Variants in PRKAG2 observed in about 807,000 individuals in gnomAD.
PRKAG2 encodes the protein protein kinase AMP-activated non-catalytic subunit gamma 2.
A neutral mutation model predicts 69.6 loss-of-function variants in PRKAG2; 26 were observed. The ratio of observed to expected loss-of-function variants is 0.37; its 90% CI spans 0.27 to 0.52. The LOEUF (loss-of-function observed/expected upper bound fraction) is 0.52. Among genes scored for constraint, PRKAG2 ranks in the 20% least tolerant of loss-of-function variants. PRKAG2 has a pLI of 0.90. For missense variants in PRKAG2, 557 were observed against 740.0 expected, an observed-to-expected ratio of 0.75 and a Z score of 2.87; for synonymous variants, 293 against 285.0, an observed-to-expected ratio of 1.03 and a Z score of -0.28.
intron 3 of PRKAG2, among the ~76,000 whole-genome samples, chr7:151,723,077 TG>T (rs1797373731): frequency 6.6e-6 from 1 of 152,158 alleles, no homozygotes; most frequent in African/African-American, 2.4e-5. Context: ...TCTCTTTCTG[TG>T]TCCACAGCCC....
intron 10 of PRKAG2, among the ~76,000 whole-genome samples, chr7:151,569,517 T>C (rs1807064640): frequency 6.6e-6 from 1 of 152,202 alleles, no homozygotes; most frequent in Non-Finnish European, 1.5e-5. Context: ...GGCTAGGAGA[T>C]ATTGCAGGGC....
Position 151,559,949 on chromosome 7 carries a change from G to A in PRKAG2, c.1678+575C>T, listed in dbSNP as rs79404509. 757 of 985,362 alleles carry A rather than the reference G, an allele frequency of 7.7e-4. 1 individual carries two copies. In the African/African-American group the frequency reaches 0.012, roughly 16 times the overall value. The allele number at this position is 985,362 out of a possible 1,614,324, so 61.0% of individuals were successfully genotyped here. A position where few individuals can be genotyped will look rare whatever the true frequency, so the allele number is the denominator to read the frequency against. The stretch of plus-strand genomic sequence containing the variant: ...GGAAGGCCAGCTCCTCTTGTCTAAA[G>A]CCCTCTCCCGTTCTCTCTGCTCCTC... On this transcript the variant is annotated intron_variant, in intron 15 of 15. Transcript: ENST00000287878.
At position 151,820,216 on chromosome 7, in the gene PRKAG2, T is replaced by C. The variant is rs1423922397; in HGVS notation, c.115-33675A>G. On this transcript the variant is annotated intron_variant, in intron 1 of 15. Coordinates refer to ENST00000287878, the MANE Select transcript of PRKAG2 (RefSeq NM_016203.4). ...GCTGGAACCTTTTTCTAAAAAATGG[T>C]GCATGCCAAAAGGAGCTGATGGGCT... Among the ~76,000 whole-genome samples the C allele has an allele frequency of 3.3e-5, 5 of 152,254 alleles. No individual in the cohort carries two copies. The East Asian group carries it at 9.6e-4, about 29-fold the overall frequency.
rs1819635530 is a variant in PRKAG2 at position 151,614,587 on chromosome 7, C to T, written c.754+17482G>A. Reference sequence around the variant, plus strand: ...CCTCCGCCCCTCACCAGCTTGCTTCCCGCTCTCTCTCCCCATCTCCACTTG... The same window carrying T: ...CCTCCGCCCCTCACCAGCTTGCTTCTCGCTCTCTCTCCCCATCTCCACTTG... On this transcript the variant is annotated intron_variant, in intron 5 of 15. Coordinates refer to ENST00000287878, the MANE Select transcript of PRKAG2 (RefSeq NM_016203.4). The surrounding 1 kb of genome is among the most constrained non-coding windows in gnomAD (Gnocchi z 4.4). Among the ~76,000 whole-genome samples the T allele has an allele frequency of 6.6e-6, 1 of 152,084 alleles. No individual in the cohort carries two copies. The highest frequency in any genetic ancestry group is 2.4e-5 in the African/African-American group (1 of 41,418).
intron 15 of PRKAG2, chr7:151,558,185 CTT>C: frequency 1.0e-6 from 1 of 985,426 alleles, no homozygotes; most frequent in Middle Eastern, 5.2e-4. Context: ...TTGCTAAAAA[CTT>C]TTTTGAGAAA....
At chr7:151,802,382 C>G (rs527884583) in intron 1 of PRKAG2, among the ~76,000 whole-genome samples, 93 of 152,274 alleles carry the variant, frequency 6.1e-4, no homozygotes, top group African/African-American at 2.1e-3. Flanking sequence ...TGAGTGGACT[C>G]TGACCTTCCA....
chr7:151,669,837 C>T, intron 4 of PRKAG2, among the ~76,000 whole-genome samples: 1 of 68,654 alleles, frequency 1.5e-5, no homozygotes, highest in Admixed American at 1.6e-4. Context: ...CCTGCAGGCA[C>T]ACACCTGTGC....
intron 1 of PRKAG2, among the ~76,000 whole-genome samples, chr7:151,803,336 A>G (rs541341363): frequency 1.3e-5 from 2 of 152,152 alleles, no homozygotes; most frequent in African/African-American, 2.4e-5. Context: ...AACACTTTGT[A>G]TAGGAATTTA....
At chr7:151,587,476 A>G (rs56935576) in intron 6 of PRKAG2, among the ~76,000 whole-genome samples, 22,032 of 151,988 alleles carry the variant, frequency 0.14, 1,704 homozygotes, top group East Asian at 0.27. Flanking sequence ...GAAAGGAGGA[A>G]GAAGAATCAT....
chr7:151,649,389 G>T (rs1394318409), intron 4 of PRKAG2, among the ~76,000 whole-genome samples: 1 of 152,196 alleles, frequency 6.6e-6, no homozygotes, highest in Non-Finnish European at 1.5e-5. Flanking sequence ...GCCTCCCAAA[G>T]TGCTGGGATT....
At position 151,560,558 on chromosome 7, in the gene PRKAG2, C is replaced by A; in HGVS notation, c.1644G>T (p.Ser548=). Residue 548 remains serine (S), a synonymous_variant, in exon 15 of 16, where the codon TCG becomes TCT. Transcript: ENST00000287878. ...TGAGGATCAGGGCTTGCAGAATGTC[C>A]GACAGGGAAATAATACCCACAATAC... ...ADSIVGIISL[S]DILQALILTP... is the part of the protein sequence containing the mutation. 6.2e-7 allele frequency: 1 copy of A among 1,613,960 alleles called. No individual in the cohort carries two copies. The highest frequency in any genetic ancestry group is 8.5e-7 in the Non-Finnish European group (1 of 1,179,906).
In PRKAG2 at chr7:151,838,031, C is replaced by G. The variant is rs577208583; in HGVS notation, c.114+38476G>C. ...TGGGCCTCGGGAACGCGCACAGGAC[C>G]CCGGAGGAGGCCACACCTGGGCCTC... On this transcript the variant is annotated intron_variant, in intron 1 of 15. Coordinates refer to ENST00000287878, the MANE Select transcript of PRKAG2 (RefSeq NM_016203.4). Among the ~76,000 whole-genome samples, 29 of 151,838 alleles carry G rather than the reference C, an allele frequency of 1.9e-4. No individual in the cohort carries two copies. The South Asian group carries it at 6.1e-3, about 32-fold the overall frequency.
chr7:151,708,064 C>T (rs1186666269), intron 3 of PRKAG2, among the ~76,000 whole-genome samples: 1 of 152,146 alleles, frequency 6.6e-6, no homozygotes, highest in African/African-American at 2.4e-5. Context: ...ACAAGGGGGG[C>T]GCTGTCCCCG....
intron 1 of PRKAG2, among the ~76,000 whole-genome samples, chr7:151,794,699 C>CT (rs1231074451): frequency 1.3e-5 from 2 of 152,236 alleles, no homozygotes; most frequent in Non-Finnish European, 2.9e-5. Flanking sequence ...ACTGGCTGTC[C>CT]CCCTTATAAT....
chr7:151,769,540 A>C (rs893034095), intron 3 of PRKAG2, among the ~76,000 whole-genome samples: 1 of 152,220 alleles, frequency 6.6e-6, no homozygotes, highest in African/African-American at 2.4e-5. Flanking sequence ...GCCAGAAGCT[A>C]GGAGGGAGGC....
chr7:151,667,813 A>G (rs1045759322), intron 4 of PRKAG2, among the ~76,000 whole-genome samples: 2 of 152,234 alleles, frequency 1.3e-5, no homozygotes, highest in Non-Finnish European at 2.9e-5. Flanking sequence ...CCAGTCCCCA[A>G]GTAACCTGGT....
rs184087134 is a variant in PRKAG2 at position 151,785,524 on chromosome 7, G to A, written c.186+946C>T. On this transcript the variant is annotated intron_variant, in intron 2 of 15. Transcript: ENST00000287878. ...TGGCACCAGTGGAGCCCCACAGGCC[G>A]ACACCAATTTGATTCAGTTGTGTGT... Among the ~76,000 whole-genome samples the A allele has an allele frequency of 1.5e-3, 224 of 152,356 alleles. 1 individual carries two copies. Among genetic ancestry groups the A allele is most frequent in the African/African-American group, 5.1e-3 (211 of 41,580 alleles).
intron 1 of PRKAG2, among the ~76,000 whole-genome samples, chr7:151,792,435 T>G (rs549939228): frequency 1.1e-4 from 16 of 152,244 alleles, no homozygotes; most frequent in African/African-American, 3.6e-4. Flanking sequence ...CATAGGATAA[T>G]AGACTTTCTA....
chr7:151,735,000 G>T (rs571766637), intron 3 of PRKAG2, among the ~76,000 whole-genome samples: 1 of 151,656 alleles, frequency 6.6e-6, no homozygotes, highest in Non-Finnish European at 1.5e-5. Context: ...GACTATATGC[G>T]CACGCCACCA....
Sources: allele counts gnomAD v4.1 joint callset (sites outside exome capture counted in the v4.1 genomes callset), GRCh38; gene constraint gnomAD v4.1.1; non-coding constraint Gnocchi (gnomAD v3.1); transcripts MANE v1.5; gene names NCBI Gene and HGNC (gene_info 2026-07-23, HGNC 2026-07-21).